Variants in NDST1 observed in about 807,000 individuals in gnomAD.
The protein encoded by NDST1 is N-deacetylase and N-sulfotransferase 1.
NDST1 carries 35 observed loss-of-function variants against 92.8 expected under a neutral mutation model. The observed-to-expected ratio is 0.38, with a 90% CI of 0.29 to 0.50. NDST1 has a LOEUF of 0.50. NDST1 is among the 20% of genes least tolerant of loss of function. NDST1 has a pLI of 0.94. For synonymous variants in NDST1, 493 were observed against 500.3 expected (o/e 0.99, Z 0.19); for missense variants, 822 against 1,182.7 (o/e 0.69, Z 4.47).
chr5:150,504,542 G>A (rs1396491804), upstream of NDST1, among the ~76,000 whole-genome samples: 4 of 152,074 alleles, frequency 2.6e-5, no homozygotes, highest in Non-Finnish European at 4.4e-5. Flanking sequence ...TATTTGATGT[G>A]TCTACCTCCT....
At chr5:150,538,071 C>G (rs2151291665) in intron 6 of NDST1, among the ~76,000 whole-genome samples, 1 of 152,278 alleles carries the variant, frequency 6.6e-6, no homozygotes, top group African/African-American at 2.4e-5. Flanking sequence ...GCTAGGTGGG[C>G]CTTCCTGGAA....
At chr5:150,531,187 T>C (rs894047546) in intron 3 of NDST1, among the ~76,000 whole-genome samples, 10 of 151,738 alleles carry the variant, frequency 6.6e-5, no homozygotes, top group African/African-American at 2.2e-4. Flanking sequence ...ATAATACCAA[T>C]AGCAGCTGCC....
chr5:150,535,063 G>A (rs1754920510), intron 5 of NDST1, 42 bp downstream of exon 5: 8 of 1,589,250 alleles, frequency 5.0e-6, no homozygotes, highest in Non-Finnish European at 6.9e-6. Context: ...GCGGGCTAAG[G>A]GCTGGGCTGG....
intron 1 of NDST1, among the ~76,000 whole-genome samples, chr5:150,508,660 T>C (rs1239061798): frequency 6.6e-6 from 1 of 152,156 alleles, no homozygotes; most frequent in East Asian, 1.9e-4. Flanking sequence ...GGCTCTCAGA[T>C]GTTGTGTTTG....
intron 13 of NDST1, among the ~76,000 whole-genome samples, 198 bp downstream of exon 13, chr5:150,549,985 G>T (rs1755650667): frequency 6.6e-6 from 1 of 152,036 alleles, no homozygotes; most frequent in Non-Finnish European, 1.5e-5. Flanking sequence ...GTTCTACTCT[G>T]GTCAGACCAT....
chr5:150,522,131 G>A (rs1383158580), intron 2 of NDST1, among the ~76,000 whole-genome samples: 1 of 152,224 alleles, frequency 6.6e-6, no homozygotes, highest in Admixed American at 6.5e-5. Flanking sequence ...CCATTTTTCA[G>A]ATGAGCAAAC....
intron 13 of NDST1, among the ~76,000 whole-genome samples, chr5:150,551,209 A>G (rs1755710569): frequency 6.6e-6 from 1 of 152,186 alleles, no homozygotes; most frequent in Non-Finnish European, 1.5e-5. Flanking sequence ...TGATGTTGGC[A>G]GTCTTGCTGT....
intron 7 of NDST1, 138 bp downstream of exon 7, chr5:150,539,494 C>T (rs1309518379): frequency 6.4e-7 from 1 of 1,574,384 alleles, no homozygotes; most frequent in Non-Finnish European, 8.6e-7. Flanking sequence ...ACCCACTCTC[C>T]AGCACTGGCC....
chr5:150,545,238 G>A (rs1050942860), intron 10 of NDST1, 74 bp from the exon 11 acceptor site: 9 of 1,550,034 alleles, frequency 5.8e-6, no homozygotes, highest in East Asian at 2.2e-5. Context: ...CCAGTGCCTC[G>A]CCCTTGTGCT....
At position 150,549,759 on chromosome 5, in the gene NDST1, A is replaced by G; in HGVS notation, c.2398A>G (p.Asn800Asp). 6.2e-7 allele frequency: 1 copy of G among 1,613,048 alleles called. No individual in the cohort carries two copies. Among genetic ancestry groups the G allele is most frequent in the Non-Finnish European group, 8.5e-7 (1 of 1,179,000 alleles). Residue 800 changes from asparagine (N) to aspartate (D), a missense_variant, in exon 13 of 15, where the codon AAC becomes GAC. By Grantham distance (23) the Asn-to-Asp change is conservative. Transcript: ENST00000261797. The stretch of plus-strand genomic sequence containing the variant: ...GGTGCAGAAGTTCCTTGGGGTGACC[A>G]ACACCATTGACTACCACAAAACCTT... Reference protein sequence around the residue: ...DMVQKFLGVTNTIDYHKTLAF... With the variant: ...DMVQKFLGVTDTIDYHKTLAF...
rs1478901434 is a variant in NDST1 at position 150,553,518 on chromosome 5, G to A, written c.*186G>A. Reference sequence around the variant, plus strand: ...CTGCAAGCACCTCGGAGCACCCACCGCTGGGTCTGCGGCCTAAGGGACCTC... The same window carrying A: ...CTGCAAGCACCTCGGAGCACCCACCACTGGGTCTGCGGCCTAAGGGACCTC... On this transcript the variant is annotated 3_prime_UTR_variant, in exon 15 of 15. Transcript: ENST00000261797. This position sits in a 1 kb window ranked among gnomAD's most constrained non-coding sequence, Gnocchi z 4.2. 1.4e-5 allele frequency: 11 copies of A among 767,796 alleles called. No homozygotes were observed. Among genetic ancestry groups the A allele is most frequent in the African/African-American group, 5.1e-5 (3 of 58,348 alleles). The allele number at this position is 767,796 out of a possible 1,614,324, so 47.6% of individuals were successfully genotyped here. A position where few individuals can be genotyped will look rare whatever the true frequency, so the allele number is the denominator to read the frequency against.
chr5:150,529,045 G>A (rs2545344), intron 3 of NDST1, among the ~76,000 whole-genome samples: 1,565 of 152,210 alleles, frequency 0.01, 33 homozygotes, highest in African/African-American at 0.034. Flanking sequence ...CATGCATGAG[G>A]CAGATTTTAA....
At chr5:150,511,671 G>A (rs1753728154) in intron 1 of NDST1, among the ~76,000 whole-genome samples, 1 of 152,080 alleles carries the variant, frequency 6.6e-6, no homozygotes, top group South Asian at 2.1e-4. Context: ...CGGTGGTGGT[G>A]GTCCTGGACT....
chr5:150,529,552 A>G (rs189286399), intron 3 of NDST1, among the ~76,000 whole-genome samples: 93 of 152,324 alleles, frequency 6.1e-4, no homozygotes, highest in African/African-American at 2.1e-3. Flanking sequence ...TCTACTCACT[A>G]TTTTATTTAA....
At chr5:150,517,632 G>A (rs1268154121) in intron 1 of NDST1, among the ~76,000 whole-genome samples, 1 of 152,124 alleles carries the variant, frequency 6.6e-6, no homozygotes, top group Non-Finnish European at 1.5e-5. Flanking sequence ...TCTTTGCTCC[G>A]CTGATTCATA....
At chr5:150,539,730 C>T (rs1344487556) in intron 7 of NDST1, 2 of 985,072 alleles carry the variant, frequency 2.0e-6, no homozygotes, top group Non-Finnish European at 2.4e-6. Context: ...ATTACCTCTG[C>T]TTTAATAATA....
intron 1 of NDST1, among the ~76,000 whole-genome samples, chr5:150,499,658 T>C (rs1310093757): frequency 6.6e-6 from 1 of 152,216 alleles, no homozygotes; most frequent in Non-Finnish European, 1.5e-5. Context: ...GCTAGAGGCC[T>C]CTGGGTCAGC....
At chr5:150,504,473 A>G (rs1326287976), upstream of NDST1, among the ~76,000 whole-genome samples, 2 of 152,096 alleles carry the variant, frequency 1.3e-5, no homozygotes, top group African/African-American at 2.4e-5. Context: ...TGGGCTCCCT[A>G]AGAGCTTTGT....
intron 10 of NDST1, among the ~76,000 whole-genome samples, chr5:150,543,339 A>G (rs1003404606): frequency 6.6e-6 from 1 of 152,178 alleles, no homozygotes; most frequent in African/African-American, 2.4e-5. Context: ...CTGACTGTGA[A>G]GCAGAGGTGT....
Sources: allele counts gnomAD v4.1 joint callset (sites outside exome capture counted in the v4.1 genomes callset), GRCh38; gene constraint gnomAD v4.1.1; non-coding constraint Gnocchi (gnomAD v3.1); transcripts MANE v1.5; gene names NCBI Gene and HGNC (gene_info 2026-07-23, HGNC 2026-07-21).